Variants in LPO observed in about 807,000 individuals in gnomAD.
LPO encodes the protein lactoperoxidase.
In LPO, 70 loss-of-function variants were observed where a neutral mutation model predicts 68.4. The ratio of observed to expected loss-of-function variants is 1.02; its 90% CI spans 0.84 to 1.25. LPO has a LOEUF of 1.25. Among genes scored for constraint, LPO ranks in the 50% most tolerant of loss-of-function variants. The pLI is 0.00. For missense variants in LPO, 873 were observed against 908.4 expected (o/e 0.96, Z 0.50); for synonymous variants, 360 against 357.6 (o/e 1.01, Z -0.08).
At position 58,252,483 on chromosome 17, in the gene LPO, C is replaced by G; in HGVS notation, c.1082C>G (p.Ala361Gly). Residue 361 changes from alanine (A) to glycine (G), a missense_variant, in exon 8 of 13, where the codon GCC (alanine) becomes GGC (glycine). By Grantham distance (60) the Ala-to-Gly change is moderately conservative. Coordinates refer to ENST00000262290, the MANE Select transcript of LPO (RefSeq NM_006151.3). ...PSPCEFINTT[A>G]RVPCFLAGDS... ...CCCTGTGAGTTCATCAACACCACTGCCCGTGTGCCCTGCTTCCTGGCAGGT... is the reference window on the plus strand; with the variant it reads ...CCCTGTGAGTTCATCAACACCACTGGCCGTGTGCCCTGCTTCCTGGCAGGT... The G allele has an allele frequency of 6.2e-7, 1 of 1,612,276 alleles. No homozygotes were observed. Among genetic ancestry groups the G allele is most frequent in the Admixed American group, 1.7e-5 (1 of 60,000 alleles).
intron 6 of LPO, among the ~76,000 whole-genome samples, 160 bp from the exon 7 acceptor site, chr17:58,250,255 C>G (rs1214704038): frequency 6.6e-6 from 1 of 152,140 alleles, no homozygotes; most frequent in Non-Finnish European, 1.5e-5. Flanking sequence ...GATTCAATCT[C>G]CCCCTCTACA....
intron 9 of LPO, among the ~76,000 whole-genome samples, chr17:58,260,087 A>G (rs768208120): frequency 6.6e-6 from 1 of 152,256 alleles, no homozygotes; most frequent in Non-Finnish European, 1.5e-5. Context: ...TGCTGGGATT[A>G]CAGGCGTGAG....
rs1004464274 is a variant in LPO at position 58,267,783 on chromosome 17, GC to G, written c.1932-3del. ...GTGGAGTGACTCTACTTCTGTCTCT[GC>G]AGGTTCTGGTGGGAAAACCCTGGGG... On this transcript the variant is annotated splice_region_variant and splice_polypyrimidine_tract_variant and intron_variant, in intron 12 of 12. Transcript: ENST00000262290. The G allele has an allele frequency of 3.7e-6, 6 of 1,613,458 alleles. No individual in the cohort carries two copies. In the African/African-American group the frequency reaches 8.0e-5, roughly 22 times the overall value.
intron 9 of LPO, among the ~76,000 whole-genome samples, chr17:58,262,755 T>G (rs1970197926): frequency 6.6e-6 from 1 of 152,256 alleles, no homozygotes; most frequent in Admixed American, 6.5e-5. Flanking sequence ...TTGACTATTT[T>G]AATACTTTAT....
chr17:58,261,483 C>G (rs1468372967), intron 9 of LPO, among the ~76,000 whole-genome samples: 1 of 151,862 alleles, frequency 6.6e-6, no homozygotes, highest in Admixed American at 6.6e-5. Context: ...TCAATTTCAA[C>G]CTACCTATGT....
At chr17:58,242,051 C>T (rs367720279) in intron 1 of LPO, among the ~76,000 whole-genome samples, 4 of 152,104 alleles carry the variant, frequency 2.6e-5, no homozygotes, top group Non-Finnish European at 5.9e-5. Flanking sequence ...AGAGCACAGG[C>T]GCCCTTGTGA....
intron 5 of LPO, 184 bp from the exon 6 acceptor site, chr17:58,249,382 T>G: frequency 9.8e-7 from 1 of 1,025,150 alleles, no homozygotes; most frequent in Non-Finnish European, 1.4e-6. Context: ...GCGGCACCTT[T>G]CCCCGGGGCG....
At chr17:58,242,933 T>A in intron 1 of LPO, 45 bp from the exon 2 acceptor site, 1 of 1,552,052 alleles carries the variant, frequency 6.4e-7, no homozygotes, top group Non-Finnish European at 8.9e-7. Flanking sequence ...CCCTCCCACT[T>A]GGTCTCTAGA....
At chr17:58,246,262 G>A (rs1173015752) in intron 3 of LPO, among the ~76,000 whole-genome samples, 1 of 152,160 alleles carries the variant, frequency 6.6e-6, no homozygotes, top group East Asian at 1.9e-4. Flanking sequence ...CACGCATAAG[G>A]TGAGAGCAGA....
Position 58,250,405 on chromosome 17 carries a change from C to G in LPO, c.574-10C>G. 2 of 1,612,774 alleles carry G rather than the reference C, an allele frequency of 1.2e-6. No individual in the cohort carries two copies. ...TCTAATCTGCCCTCCCCTTCTCTCT[C>G]CATCTGTAGGCCCGGGAGGTATCTA... On this transcript the variant is annotated splice_polypyrimidine_tract_variant and intron_variant, in intron 6 of 12. Transcript: ENST00000262290.
intron 3 of LPO, among the ~76,000 whole-genome samples, chr17:58,245,446 C>G (rs1350362959): frequency 3.9e-5 from 6 of 152,144 alleles, no homozygotes; most frequent in Non-Finnish European, 2.9e-5. Context: ...GGAAAATTCT[C>G]TGGCCAGTGG....
chr17:58,258,305 T>C (rs1029521663), intron 9 of LPO, among the ~76,000 whole-genome samples: 10 of 152,218 alleles, frequency 6.6e-5, no homozygotes, highest in Non-Finnish European at 1.2e-4. Context: ...TCCATTTTGA[T>C]TTGATTTTTA....
At chr17:58,245,193 C>T (rs1303837944) in intron 3 of LPO, among the ~76,000 whole-genome samples, 1 of 152,184 alleles carries the variant, frequency 6.6e-6, no homozygotes, top group African/African-American at 2.4e-5. Context: ...CAGCTCAGAA[C>T]TGCTTGAGGC....
chr17:58,268,160 C>T lies in LPO; in HGVS notation c.*166C>T. ...CTTGCTCAGGCCCCAGGGTGGCTGCCTCGGCCCTCCCAGCTCTTACACTCA... is the reference window on the plus strand; with the variant it reads ...CTTGCTCAGGCCCCAGGGTGGCTGCTTCGGCCCTCCCAGCTCTTACACTCA... On this transcript the variant is annotated 3_prime_UTR_variant, in exon 13 of 13. Coordinates refer to ENST00000262290, the MANE Select transcript of LPO (RefSeq NM_006151.3). 1.5e-6 allele frequency: 1 copy of T among 655,372 alleles called. No individual in the cohort carries two copies. The highest frequency in any genetic ancestry group is 2.6e-6 in the Non-Finnish European group (1 of 386,858). The allele number at this position is 655,372 out of a possible 1,614,324, so 40.6% of individuals were successfully genotyped here.
Position 58,240,186 on chromosome 17 carries a change from G to A in LPO, c.-3+1447G>A, listed in dbSNP as rs146169690. Among the ~76,000 whole-genome samples, 19 of 152,270 alleles carry A rather than the reference G, an allele frequency of 1.2e-4. 1 individual carries two copies. The East Asian group carries it at 3.7e-3, about 29-fold the overall frequency. On this transcript the variant is annotated intron_variant, in intron 1 of 12. Coordinates refer to ENST00000262290, the MANE Select transcript of LPO (RefSeq NM_006151.3). ...GGTCTGGGTTTTGAAGAATGAATAG[G>A]AGTTTATTAGCCAGAGAGGGTATTG...
intron 9 of LPO, 24 bp downstream of exon 9, chr17:58,254,995 C>T (rs1474044245): frequency 6.2e-7 from 1 of 1,607,108 alleles, no homozygotes; most frequent in African/African-American, 1.3e-5. Flanking sequence ...GGAGCACTGT[C>T]ACCTGGTCCC....
At position 58,264,774 on chromosome 17, in the gene LPO, A is replaced by G. The variant is rs1970229236; in HGVS notation, c.1319A>G (p.Lys440Arg). The G allele has an allele frequency of 3.1e-6, 5 of 1,614,214 alleles. No homozygotes were observed. The Admixed American group carries it at 8.3e-5, about 27-fold the overall frequency. Residue 440 changes from lysine to arginine, a missense_variant, in exon 10 of 13, where the codon AAG becomes AGG. Coordinates refer to ENST00000262290, the MANE Select transcript of LPO (RefSeq NM_006151.3). ...ATTTTGCTAGGTGACCACATGCAGAAGTGGATACCCCCATATCAAGGCTAC... is the reference window on the plus strand; with the variant it reads ...ATTTTGCTAGGTGACCACATGCAGAGGTGGATACCCCCATATCAAGGCTAC... The part of the protein sequence containing the change: ...LPILLGDHMQ[K>R]WIPPYQGYSE...
chr17:58,260,873 C>T (rs8178374), intron 9 of LPO, among the ~76,000 whole-genome samples: 627 of 152,202 alleles, frequency 4.1e-3, no homozygotes, highest in Non-Finnish European at 6.7e-3. Flanking sequence ...AGTTTCCTTT[C>T]GGACTTCATC....
At position 58,244,094 on chromosome 17, in the gene LPO, C is replaced by T; in HGVS notation, c.164+13C>T. 2 of 409,884 alleles carry T rather than the reference C, an allele frequency of 4.9e-6. No individual in the cohort carries two copies. Among genetic ancestry groups the T allele is most frequent in the Non-Finnish European group, 7.9e-6 (2 of 251,908 alleles). 25.4% of individuals were successfully genotyped at this position (409,884 alleles called of 1,614,324 possible). Reference sequence around the variant, plus strand: ...ACTCCCGAACCAGGTACGTGAGACACACACACACACACACACACACACACA... The same window carrying T: ...ACTCCCGAACCAGGTACGTGAGACATACACACACACACACACACACACACA... On this transcript the variant is annotated intron_variant, in intron 3 of 12. Coordinates refer to ENST00000262290, the MANE Select transcript of LPO (RefSeq NM_006151.3).
Sources: gnomAD v4.1 joint callset for allele counts (sites outside exome capture counted in the v4.1 genomes callset) on GRCh38, gnomAD v4.1.1 for gene constraint, MANE v1.5 for transcripts, NCBI Gene and HGNC (gene_info 2026-07-23, HGNC 2026-07-21) for gene names.